Variants in SIPA1L1 observed in about 807,000 individuals in gnomAD.
SIPA1L1 encodes the protein signal induced proliferation associated 1 like 1, also known as signal-induced proliferation-associated 1-like protein 1.
A neutral mutation model predicts 162.7 loss-of-function variants in SIPA1L1; 26 were observed. The observed-to-expected ratio is 0.16, with a 90% CI of 0.12 to 0.22. The LOEUF (loss-of-function observed/expected upper bound fraction) is 0.22, where lower values mean the gene tolerates loss of function less well. Ranked by LOEUF, SIPA1L1 falls within the 10% of genes least tolerant of loss-of-function variation. SIPA1L1 has a pLI of 1.00. For missense variants in SIPA1L1, 1,874 were observed against 2,241.0 expected (o/e 0.84, Z 3.31); for synonymous variants, 829 against 837.4 (o/e 0.99, Z 0.17).
At chr14:71,444,563 T>C (rs530960310) in intron 2 of SIPA1L1, among the ~76,000 whole-genome samples, 1 of 152,302 alleles carries the variant, frequency 6.6e-6, no homozygotes, top group South Asian at 2.1e-4. Context: ...TTGGCATTTC[T>C]TTTGCTCATC....
At chr14:71,361,298 T>A (rs1008438175) in intron 2 of SIPA1L1, among the ~76,000 whole-genome samples, 2 of 152,200 alleles carry the variant, frequency 1.3e-5, no homozygotes, top group African/African-American at 4.8e-5. Context: ...GACTTAATTT[T>A]ATTGGTAAAA....
intron 2 of SIPA1L1, among the ~76,000 whole-genome samples, chr14:71,357,854 A>G (rs545877244): frequency 2.0e-5 from 3 of 152,226 alleles, no homozygotes; most frequent in East Asian, 1.9e-4. Flanking sequence ...CAGCCTTCCA[A>G]GTAGCTGGGA....
At chr14:71,337,196 C>T (rs919021282) in intron 2 of SIPA1L1, among the ~76,000 whole-genome samples, 2 of 152,202 alleles carry the variant, frequency 1.3e-5, no homozygotes, top group East Asian at 3.8e-4. Flanking sequence ...TATGTCTCTG[C>T]CTTCCTATGC....
intron 2 of SIPA1L1, among the ~76,000 whole-genome samples, chr14:71,353,717 A>G (rs193442): frequency 0.48 from 73,550 of 151,848 alleles, 18,344 homozygotes; most frequent in Admixed American, 0.54. Flanking sequence ...TAGGTTTTCA[A>G]TGTGAAGCTG....
intron 2 of SIPA1L1, among the ~76,000 whole-genome samples, chr14:71,350,773 A>G (rs1378756691): frequency 3.9e-5 from 6 of 152,166 alleles, no homozygotes; most frequent in Admixed American, 1.3e-4. Flanking sequence ...TAGATTCTGA[A>G]AAGTTTAAAT....
At chr14:71,587,310 C>A (rs555124549) in intron 4 of SIPA1L1, among the ~76,000 whole-genome samples, 1 of 152,060 alleles carries the variant, frequency 6.6e-6, no homozygotes, top group African/African-American at 2.4e-5. Context: ...ACCCCTCCCC[C>A]TGCCCCCCAT....
chr14:71,612,988 C>T (rs1261590725), intron 5 of SIPA1L1, among the ~76,000 whole-genome samples: 1 of 152,104 alleles, frequency 6.6e-6, no homozygotes. Flanking sequence ...AAACTTCACA[C>T]TAAACATTTA....
At chr14:71,356,510 T>C (rs2140754497) in intron 2 of SIPA1L1, among the ~76,000 whole-genome samples, 1 of 129,538 alleles carries the variant, frequency 7.7e-6, no homozygotes, top group South Asian at 2.4e-4. Context: ...GCAGGAGGGT[T>C]ACTTAAGGCC....
intron 2 of SIPA1L1, among the ~76,000 whole-genome samples, chr14:71,399,698 A>T (rs2139986451): frequency 2.0e-5 from 3 of 150,802 alleles, no homozygotes; most frequent in Admixed American, 2.0e-4. Context: ...GCAGGTATAA[A>T]CCACCACACC....
chr14:71,339,192 A>G (rs1345210982), intron 2 of SIPA1L1, among the ~76,000 whole-genome samples: 1 of 152,194 alleles, frequency 6.6e-6, no homozygotes, highest in African/African-American at 2.4e-5. Context: ...CTCTGAGGAT[A>G]GAGACCATTT....
chr14:71,588,252 A>G lies in SIPA1L1; in HGVS notation c.380A>G (p.Asn127Ser), dbSNP rs2034846994. ...SQGSSVSLNS[N>S]DSAMLKSIQN... is the part of the protein sequence containing the mutation. Reference sequence around the variant, plus strand: ...GGAAGTTCTGTTAGCCTCAATTCCAATGACTCAGCCATGCTGAAAAGCATA... The same window carrying G: ...GGAAGTTCTGTTAGCCTCAATTCCAGTGACTCAGCCATGCTGAAAAGCATA... Residue 127 changes from asparagine (N) to serine (S), a missense_variant, in exon 5 of 24, where the codon AAT becomes AGT. Physicochemically the swap from Asn to Ser is conservative, Grantham distance 46 (BLOSUM62 1). Coordinates refer to ENST00000381232, the MANE Select transcript of SIPA1L1 (RefSeq NM_001386936.1). This position sits in a 1 kb window ranked among gnomAD's most constrained non-coding sequence, Gnocchi z 4.3. 2 of 1,614,174 alleles carry G rather than the reference A, an allele frequency of 1.2e-6. No homozygotes were observed. Among genetic ancestry groups the G allele is most frequent in the Non-Finnish European group, 1.7e-6 (2 of 1,180,002 alleles).
intron 2 of SIPA1L1, among the ~76,000 whole-genome samples, chr14:71,401,143 G>A (rs2140025340): frequency 6.6e-6 from 1 of 152,224 alleles, no homozygotes; most frequent in Non-Finnish European, 1.5e-5. Context: ...TTTAGCTTAA[G>A]CAACATTTCA....
At chr14:71,554,559 G>C (rs2056176316) in intron 4 of SIPA1L1, among the ~76,000 whole-genome samples, 1 of 152,128 alleles carries the variant, frequency 6.6e-6, no homozygotes, top group South Asian at 2.1e-4. Flanking sequence ...ACTTCCCACA[G>C]GTGACCTTCT....
At chr14:71,454,554 A>AT (rs1373156238) in intron 2 of SIPA1L1, among the ~76,000 whole-genome samples, 4 of 152,306 alleles carry the variant, frequency 2.6e-5, no homozygotes, top group South Asian at 4.1e-4. Flanking sequence ...CAAAGAGGTG[A>AT]TTTTTTTAAT....
At chr14:71,655,049 A>G (rs934229036) in intron 8 of SIPA1L1, among the ~76,000 whole-genome samples, 1 of 152,146 alleles carries the variant, frequency 6.6e-6, no homozygotes, top group African/African-American at 2.4e-5. Flanking sequence ...TCTATTAGCC[A>G]AATAGTGAGC....
At chr14:71,544,583 T>C (rs568395883) in intron 4 of SIPA1L1, among the ~76,000 whole-genome samples, 1 of 152,260 alleles carries the variant, frequency 6.6e-6, no homozygotes, top group East Asian at 1.9e-4. Context: ...CCGAGAAGCT[T>C]TAGGGTTTTG....
intron 2 of SIPA1L1, among the ~76,000 whole-genome samples, chr14:71,502,279 T>TATATATATATATATATATATA (rs1567115008): frequency 1.4e-5 from 2 of 144,878 alleles, no homozygotes; most frequent in African/African-American, 2.6e-5. Context: ...TATATATATA[T>TATATATATATATATATATATA]TTGAGACAGA....
At chr14:71,479,385 G>GTATGTGTGTATA (rs2048162967) in intron 2 of SIPA1L1, among the ~76,000 whole-genome samples, 1 of 151,756 alleles carries the variant, frequency 6.6e-6, no homozygotes, top group Non-Finnish European at 1.5e-5. Context: ...GTGTATATAT[G>GTATGTGTGTATA]TATGTATTCA....
intron 2 of SIPA1L1, among the ~76,000 whole-genome samples, chr14:71,348,137 T>A (rs1175171594): frequency 6.6e-6 from 1 of 152,178 alleles, no homozygotes; most frequent in Non-Finnish European, 1.5e-5. Flanking sequence ...ACATCAAGTA[T>A]GCAAACTGTA....
Sources: gnomAD v4.1 joint callset for allele counts (sites outside exome capture counted in the v4.1 genomes callset) on GRCh38, gnomAD v4.1.1 for gene constraint, Gnocchi (gnomAD v3.1) non-coding constraint, MANE v1.5 for transcripts, NCBI Gene and HGNC (gene_info 2026-07-23, HGNC 2026-07-21) for gene names.